The following TRIM13 variants were observed in gnomAD, a reference collection of about 807,000 sequenced individuals.
The protein encoded by TRIM13 is E3 ubiquitin-protein ligase TRIM13.
A neutral mutation model predicts 27.1 loss-of-function variants in TRIM13; 15 were observed. That is an observed-to-expected ratio of 0.55 (90% CI 0.37 to 0.85). The LOEUF is 0.85. Ranked by LOEUF, TRIM13 falls within the 40% of genes least tolerant of loss-of-function variation. The probability of loss-of-function intolerance (pLI) is 0.00; values close to 1 mark genes in which losing one functional copy is unlikely to be tolerated. For synonymous variants in TRIM13, 193 were observed against 171.5 expected, an observed-to-expected ratio of 1.13 and a Z score of -0.98; for missense variants, 402 against 472.2, an observed-to-expected ratio of 0.85 and a Z score of 1.38.
intron 1 of TRIM13, among the ~76,000 whole-genome samples, chr13:50,011,628 C>G (rs1875653161): frequency 6.6e-6 from 1 of 152,148 alleles, no homozygotes; most frequent in Non-Finnish European, 1.5e-5. Context: ...AAAACAATTG[C>G]TTGGGTCCTG....
At chr13:50,001,347 A>G (rs1874019308) in intron 1 of TRIM13, among the ~76,000 whole-genome samples, 1 of 151,804 alleles carries the variant, frequency 6.6e-6, no homozygotes, top group African/African-American at 2.4e-5. Context: ...GGTATGGAGA[A>G]GAGAATGAAG....
chr13:50,015,699 A>C lies in TRIM13; in HGVS notation c.*2535A>C. The C allele has an allele frequency of 6.2e-7, 1 of 1,614,110 alleles. No homozygotes were observed. Among genetic ancestry groups the C allele is most frequent in the Non-Finnish European group, 8.5e-7 (1 of 1,179,972 alleles). On this transcript the variant is annotated 3_prime_UTR_variant, in exon 2 of 2. Coordinates refer to ENST00000378182, the MANE Select transcript of TRIM13 (RefSeq NM_213590.3). ...ATCTTAGATTTTTTGAGAACTCACC[A>C]GCTTTTATTACCCACTGAATTTTCA... is the stretch of plus-strand genomic sequence containing the variant.
intron 1 of TRIM13, among the ~76,000 whole-genome samples, chr13:50,008,555 T>C (rs1594575555): frequency 3.3e-5 from 5 of 152,054 alleles, no homozygotes. Context: ...GGAGGATTGC[T>C]TGAGCCCAGA....
At position 50,016,737 on chromosome 13, in the gene TRIM13, T is replaced by A. The variant is rs979225144; in HGVS notation, c.*3573T>A. 30 of 167,164 alleles carry A rather than the reference T, an allele frequency of 1.8e-4. 1 individual carries two copies. Among genetic ancestry groups the A allele is most frequent in the African/African-American group, 6.7e-4 (28 of 41,566 alleles). The allele number at this position is 167,164 out of a possible 1,614,324, so 10.4% of individuals were successfully genotyped here. The stretch of plus-strand genomic sequence containing the variant: ...ATTTCCACTCTGCTGTCACAAACAT[T>A]TTTCCCCCCGTAAAATGTCTTAATG... On this transcript the variant is annotated 3_prime_UTR_variant, in exon 2 of 2. Coordinates refer to ENST00000378182, the MANE Select transcript of TRIM13 (RefSeq NM_213590.3).
In TRIM13 at chr13:50,012,930, T is replaced by C. The variant is rs1298042975; in HGVS notation, c.990T>C (p.Phe330=). ...TTCTGCTTGGCCTTGTCATTGTCTT[T>C]GGTCCTACCATGTTCCTAGAATGGT... is the stretch of plus-strand genomic sequence containing the variant. ...LILLLGLVIV[F]GPTMFLEWSL... The change falls in exon 2 of 2, where the codon TTT becomes TTC. Residue 330 remains phenylalanine, a synonymous_variant. Coordinates refer to ENST00000378182, the MANE Select transcript of TRIM13 (RefSeq NM_213590.3). 1.2e-6 allele frequency: 2 copies of C among 1,613,914 alleles called. No individual in the cohort carries two copies. Among genetic ancestry groups the C allele is most frequent in the East Asian group, 4.5e-5 (2 of 44,874 alleles).
intron 1 of TRIM13, among the ~76,000 whole-genome samples, chr13:50,010,277 C>T (rs1013255978): frequency 1.3e-5 from 2 of 152,016 alleles, no homozygotes; most frequent in Non-Finnish European, 2.9e-5. Context: ...TGGTCGTGAA[C>T]TCCTGAGGTC....
rs1455144565 is a variant in TRIM13 at position 50,014,506 on chromosome 13, C to A, written c.*1342C>A. On this transcript the variant is annotated 3_prime_UTR_variant, in exon 2 of 2. Coordinates refer to ENST00000378182, the MANE Select transcript of TRIM13 (RefSeq NM_213590.3). The stretch of plus-strand genomic sequence containing the variant: ...GTTCGAAAGATGGCAAGTGTACAAC[C>A]AAACCAATCCACTTGCTTACAGAAA... The A allele has an allele frequency of 1.2e-5, 2 of 165,998 alleles. No homozygotes were observed. The highest frequency in any genetic ancestry group is 1.3e-4 in the Admixed American group (2 of 15,112). 10.3% of individuals were successfully genotyped at this position (165,998 alleles called of 1,614,324 possible).
rs114797367 is a variant in TRIM13 at position 49,999,546 on chromosome 13, T to C, written c.-7+1783T>C. 4.9e-3 allele frequency among the ~76,000 whole-genome samples: 743 copies of C among 152,254 alleles called. 5 individuals carry two copies. Among genetic ancestry groups the C allele is most frequent in the African/African-American group, 0.017 (706 of 41,540 alleles). ...TGAGGTAAATACTATAAAAATCATTTTTAAATTTTTTTCCAAGAGATGGGA... is the reference window on the plus strand; with the variant it reads ...TGAGGTAAATACTATAAAAATCATTCTTAAATTTTTTTCCAAGAGATGGGA... On this transcript the variant is annotated intron_variant, in intron 1 of 1. Coordinates refer to ENST00000378182, the MANE Select transcript of TRIM13 (RefSeq NM_213590.3).
At position 49,997,476 on chromosome 13, in the gene TRIM13, TTGCATGGCGCCGG is replaced by T. The variant is rs973516248; in HGVS notation, c.-293_-281del. The T allele has an allele frequency of 6.6e-6, 1 of 152,062 alleles. No individual in the cohort carries two copies. Among genetic ancestry groups the T allele is most frequent in the Admixed American group, 6.6e-5 (1 of 15,256 alleles). 9.4% of individuals were successfully genotyped at this position (152,062 alleles called of 1,614,324 possible). ...GTTACAGCGCGCCGCCAGCGTTTGG[TTGCATGGCGCCGG>T]GGGAGGGCGCCCTAACCGAGAAGCT... On this transcript the variant is annotated 5_prime_UTR_variant, in exon 1 of 2. An upstream start codon of the reference 5' UTR is lost. Coordinates refer to ENST00000378182, the MANE Select transcript of TRIM13 (RefSeq NM_213590.3).
rs1308805741 is a variant in TRIM13 at position 50,017,522 on chromosome 13, T to C, written c.*4358T>C. On this transcript the variant is annotated 3_prime_UTR_variant, in exon 2 of 2. Transcript: ENST00000378182. ...TCCATTTTAAAGTGAGAAAACATTA[T>C]ATTTAGACTTCCATAATTCCAAAAT... 6.0e-6 allele frequency: 1 copy of C among 167,070 alleles called. No individual in the cohort carries two copies. Among genetic ancestry groups the C allele is most frequent in the African/African-American group, 2.4e-5 (1 of 41,466 alleles). The allele number at this position is 167,070 out of a possible 1,614,324, so 10.3% of individuals were successfully genotyped here.
chr13:50,008,810 A>G (rs1265557177), intron 1 of TRIM13, among the ~76,000 whole-genome samples: 1 of 151,728 alleles, frequency 6.6e-6, no homozygotes, highest in East Asian at 1.9e-4. Context: ...GAGCCCAGCA[A>G]TTTGAGACTA....
rs1465539593 is a variant in TRIM13 at position 50,012,938 on chromosome 13, C to T, written c.998C>T (p.Thr333Ile). The T allele has an allele frequency of 1.2e-6, 2 of 1,613,896 alleles. No homozygotes were observed. The highest frequency in any genetic ancestry group is 1.7e-5 in the Admixed American group (1 of 59,984). Residue 333 changes from threonine (T) to isoleucine (I), a missense_variant, in exon 2 of 2, where the codon ACC (threonine) becomes ATC (isoleucine). Coordinates refer to ENST00000378182, the MANE Select transcript of TRIM13 (RefSeq NM_213590.3). Reference sequence around the variant, plus strand: ...GGCCTTGTCATTGTCTTTGGTCCTACCATGTTCCTAGAATGGTCATTATTT... The same window carrying T: ...GGCCTTGTCATTGTCTTTGGTCCTATCATGTTCCTAGAATGGTCATTATTT... ...LLGLVIVFGP[T>I]MFLEWSLFDD...
At chr13:50,010,104 A>G (rs1371004315) in intron 1 of TRIM13, among the ~76,000 whole-genome samples, 3 of 133,092 alleles carry the variant, frequency 2.3e-5, no homozygotes, top group African/African-American at 8.7e-5. Flanking sequence ...GCTGGAGTGC[A>G]GTGGTGCTAT....
At chr13:50,009,081 T>C (rs1875211618) in intron 1 of TRIM13, among the ~76,000 whole-genome samples, 1 of 148,974 alleles carries the variant, frequency 6.7e-6, no homozygotes, top group Non-Finnish European at 1.5e-5. Context: ...CTGTCGATAT[T>C]TACTCTATTA....
intron 1 of TRIM13, among the ~76,000 whole-genome samples, chr13:49,998,945 C>T (rs1227782063): frequency 6.7e-6 from 1 of 149,590 alleles, no homozygotes; most frequent in South Asian, 2.1e-4. Flanking sequence ...AAAAAAAAGC[C>T]CCCAAACCAT....
intron 1 of TRIM13, among the ~76,000 whole-genome samples, chr13:50,004,779 TAAA>T (rs562881816): frequency 1.7e-5 from 2 of 118,012 alleles, no homozygotes; most frequent in Non-Finnish European, 1.8e-5. Flanking sequence ...GACCCTGTCT[TAAA>T]AAAAAAAAAA....
intron 1 of TRIM13, among the ~76,000 whole-genome samples, chr13:50,008,195 C>T (rs1041083447): frequency 3.3e-5 from 5 of 152,024 alleles, no homozygotes; most frequent in East Asian, 1.9e-4. Flanking sequence ...ATGAGCCACC[C>T]GTGCCCGGCC....
rs1594592054 is a variant in TRIM13, at chr13:50,015,111, A to T, written c.*1947A>T. The T allele has an allele frequency of 3.2e-4, 5 of 15,550 alleles. 1 individual carries two copies. Among genetic ancestry groups the T allele is most frequent in the Non-Finnish European group, 7.7e-4 (4 of 5,200 alleles). 1.0% of individuals were successfully genotyped at this position (15,550 alleles called of 1,614,324 possible). A position where few individuals can be genotyped will look rare whatever the true frequency, so the allele number is the denominator to read the frequency against. ...AAAAAAAAAATATATATATATATATATATATATATATATATATATATATAT... is the reference window on the plus strand; with the variant it reads ...AAAAAAAAAATATATATATATATATTTATATATATATATATATATATATAT... On this transcript the variant is annotated 3_prime_UTR_variant, in exon 2 of 2. Transcript: ENST00000378182.
intron 1 of TRIM13, among the ~76,000 whole-genome samples, chr13:49,999,188 A>C (rs1873691654): frequency 6.6e-6 from 1 of 152,078 alleles, no homozygotes; most frequent in African/African-American, 2.4e-5. Flanking sequence ...TGCAGGTGTC[A>C]TGGCGGCCCC....
Sources: allele counts gnomAD v4.1 joint callset (sites outside exome capture counted in the v4.1 genomes callset), GRCh38; gene constraint gnomAD v4.1.1; transcripts MANE v1.5; gene names NCBI Gene and HGNC (gene_info 2026-07-23, HGNC 2026-07-21).